Variants in RAB36 observed in about 807,000 individuals in gnomAD.
RAB36 encodes RAB36, member RAS oncogene family.
RAB36 carries 33 observed loss-of-function variants against 39.3 expected under a neutral mutation model. The ratio of observed to expected loss-of-function variants is 0.84; its 90% confidence interval spans 0.64 to 1.12. The LOEUF is 1.12. Among genes scored for constraint, RAB36 ranks in the 50% most tolerant of loss-of-function variants. RAB36 has a pLI of 0.00. For synonymous variants in RAB36, 133 were observed against 140.2 expected (o/e 0.95, Z 0.36); for missense variants, 308 against 355.3 (o/e 0.87, Z 1.07).
At position 23,153,060 on chromosome 22, in the gene RAB36, C is replaced by G. The variant is rs137928000; in HGVS notation, c.255C>G (p.Asp85Glu). ...HRFCKNVFDR[D>E]YKATIGVDFE... Reference sequence around the variant, plus strand: ...TTTGCAAGAATGTTTTTGATCGAGACTACAAGGCCACCATTGGGGTGGACT... The same window carrying G: ...TTTGCAAGAATGTTTTTGATCGAGAGTACAAGGCCACCATTGGGGTGGACT... The change falls in exon 5 of 11, where the codon GAC becomes GAG. Residue 85 changes from aspartate to glutamate, a missense_variant. Asp to Glu is a conservative substitution (Grantham distance 45). Coordinates refer to ENST00000263116, the MANE Select transcript of RAB36 (RefSeq NM_004914.5). 1,072 of 1,614,082 alleles carry G rather than the reference C, an allele frequency of 6.6e-4. 6 individuals are homozygous for G. The highest frequency in any genetic ancestry group is 6.3e-3 in the African/African-American group (471 of 75,034).
In RAB36 at chr22:23,145,680, T is replaced by G. The variant is rs1008899341; in HGVS notation, c.-13+129T>G. The G allele has an allele frequency of 6.9e-6, 8 of 1,159,000 alleles. No homozygotes were observed. In the Admixed American group the frequency reaches 1.9e-4, roughly 27 times the overall value. The allele number at this position is 1,159,000 out of a possible 1,614,324, so 71.8% of individuals were successfully genotyped here. On this transcript the variant is annotated intron_variant, in intron 1 of 10. Coordinates refer to ENST00000263116, the MANE Select transcript of RAB36 (RefSeq NM_004914.5). Reference sequence around the variant, plus strand: ...CCGCCCCTATAACTTGAAAGCGGCCTGCGGCCCCGGGGCGTCCTCATTTCC... The same window carrying G: ...CCGCCCCTATAACTTGAAAGCGGCCGGCGGCCCCGGGGCGTCCTCATTTCC...
At position 23,158,213 on chromosome 22, in the gene RAB36, G is replaced by A. The variant is rs118186237; in HGVS notation, c.446+170G>A. Among the ~76,000 whole-genome samples the A allele has an allele frequency of 5.2e-4, 79 of 152,274 alleles. 1 individual carries two copies. In the East Asian group the frequency reaches 0.012, roughly 23 times the overall value. On this transcript the variant is annotated intron_variant, in intron 7 of 10. Transcript: ENST00000263116. The stretch of plus-strand genomic sequence containing the variant: ...TACTTACTGTCCAACTGCCTTTATC[G>A]CTTGAGATTTGTCCCTATTCTGGAG...
rs2071933464 is a variant in RAB36, at chr22:23,163,606, G to GACCCCCCCC, written c.*2042_*2043insACCCCCCCC. On this transcript the variant is annotated 3_prime_UTR_variant, in exon 11 of 11. Coordinates refer to ENST00000263116, the MANE Select transcript of RAB36 (RefSeq NM_004914.5). ...AAAGCATATAAAATACAAGGTGAAA[G>GACCCCCCCC]CCCCCCCCCCGCCACATTAGCTGCG... 8.0e-6 allele frequency: 1 copy of GACCCCCCCC among 125,232 alleles called. No individual in the cohort carries two copies. The highest frequency in any genetic ancestry group is 1.8e-5 in the Non-Finnish European group (1 of 55,738). The allele number at this position is 125,232 out of a possible 1,614,324, so 7.8% of individuals were successfully genotyped here.
chr22:23,164,127 C>A lies in RAB36; in HGVS notation c.*2563C>A, dbSNP rs1169669085. On this transcript the variant is annotated 3_prime_UTR_variant, in exon 11 of 11. Coordinates refer to ENST00000263116, the MANE Select transcript of RAB36 (RefSeq NM_004914.5). ...ACAGCATTGGGGTCCATTAGGAAGA[C>A]CAGGTTTGCTGGGCATAAGCTTCAC... is the stretch of plus-strand genomic sequence containing the variant. 6.6e-6 allele frequency: 1 copy of A among 152,232 alleles called. No individual in the cohort carries two copies. Among genetic ancestry groups the A allele is most frequent in the Non-Finnish European group, 1.5e-5 (1 of 68,050 alleles). 9.4% of individuals were successfully genotyped at this position (152,232 alleles called of 1,614,324 possible).
chr22:23,157,699 T>C (rs2071534625), intron 6 of RAB36, among the ~76,000 whole-genome samples: 1 of 152,216 alleles, frequency 6.6e-6, no homozygotes, highest in African/African-American at 2.4e-5. Flanking sequence ...CCCTTAGCCG[T>C]AAGTGGCAGA....
chr22:23,160,166 G>A (rs926363943), intron 9 of RAB36, among the ~76,000 whole-genome samples: 1 of 152,172 alleles, frequency 6.6e-6, no homozygotes, highest in African/African-American at 2.4e-5. Flanking sequence ...CTGAGGGTTG[G>A]CGTCACAAGT....
intron 5 of RAB36, among the ~76,000 whole-genome samples, chr22:23,154,149 A>T (rs1254838502): frequency 6.7e-6 from 1 of 148,790 alleles, no homozygotes; most frequent in East Asian, 2.0e-4. Context: ...CTGCCCCGGC[A>T]CCTGGAGAAT....
intron 6 of RAB36, among the ~76,000 whole-genome samples, chr22:23,157,458 A>G (rs1452451276): frequency 6.6e-6 from 1 of 151,958 alleles, no homozygotes; most frequent in Non-Finnish European, 1.5e-5. Flanking sequence ...ACGGGGTTTC[A>G]CTGTGTTAGC....
At chr22:23,153,276 C>T (rs760031445) in intron 5 of RAB36, 142 bp downstream of exon 5, 17 of 685,096 alleles carry the variant, frequency 2.5e-5, no homozygotes, top group Non-Finnish European at 4.0e-5. Context: ...TGACACTTAG[C>T]TTCCTGGCTC....
intron 1 of RAB36, 22 bp downstream of exon 1, chr22:23,145,573 G>C (rs762045062): frequency 1.3e-6 from 2 of 1,589,766 alleles, no homozygotes; most frequent in African/African-American, 1.3e-5. Context: ...CGCCCACTCT[G>C]TCCGACCCTC....
chr22:23,150,304 CTT>C (rs1209181462), intron 3 of RAB36, 150 bp downstream of exon 3: 7,906 of 426,260 alleles, frequency 0.019, no homozygotes, highest in Middle Eastern at 0.027. Flanking sequence ...TTTTTTTTTT[CTT>C]TTTTTTTTTT....
At position 23,156,027 on chromosome 22, in the gene RAB36, C is replaced by T; in HGVS notation, c.389C>T (p.Ala130Val). ...KCIASAYYRG[A>V]QVIITAFDLT... ...ATCGCATCTGCCTACTACCGGGGTG[C>T]CCAGGGTGAGCAACATGCCACGTCG... The change falls in exon 6 of 11, where the codon GCC becomes GTC. Residue 130 changes from alanine (A) to valine (V), a missense_variant. Coordinates refer to ENST00000263116, the MANE Select transcript of RAB36 (RefSeq NM_004914.5). The T allele has an allele frequency of 6.2e-7, 1 of 1,611,840 alleles. No homozygotes were observed. Among genetic ancestry groups the T allele is most frequent in the Non-Finnish European group, 8.5e-7 (1 of 1,178,906 alleles).
chr22:23,158,028 C>T lies in RAB36; in HGVS notation c.431C>T (p.Thr144Ile), dbSNP rs1367080835. 3 of 1,614,066 alleles carry T rather than the reference C, an allele frequency of 1.9e-6. No homozygotes were observed. The African/African-American group carries it at 4.0e-5, about 22-fold the overall frequency. The change falls in exon 7 of 11, where the codon ACC becomes ATC. Residue 144 changes from threonine to isoleucine, a missense_variant. Coordinates refer to ENST00000263116, the MANE Select transcript of RAB36 (RefSeq NM_004914.5). The stretch of plus-strand genomic sequence containing the variant: ...GCCTTTGACCTCACTGACGTGCAGA[C>T]CCTGGAGCATACCAGGTAAGTCTGG... Reference protein sequence around the residue: ...ITAFDLTDVQTLEHTRQWLED... With the variant: ...ITAFDLTDVQILEHTRQWLED...
At chr22:23,166,526 A>G (rs759334809), downstream of RAB36, among the ~76,000 whole-genome samples, 2 of 152,084 alleles carry the variant, frequency 1.3e-5, no homozygotes, top group Non-Finnish European at 2.9e-5. Flanking sequence ...GTGCTTCCTC[A>G]AGAAAGCCTG....
intron 3 of RAB36, among the ~76,000 whole-genome samples, chr22:23,151,199 A>G (rs1352189062): frequency 6.6e-6 from 1 of 152,214 alleles, no homozygotes; most frequent in Non-Finnish European, 1.5e-5. Flanking sequence ...CGAAGTGGCC[A>G]TGGTGGTGGG....
Position 23,161,919 on chromosome 22 carries a change from C to T in RAB36, c.*355C>T, listed in dbSNP as rs2071830543. 3.9e-6 allele frequency: 1 copy of T among 255,960 alleles called. No individual in the cohort carries two copies. Among genetic ancestry groups the T allele is most frequent in the African/African-American group, 2.3e-5 (1 of 43,924 alleles). The allele number at this position is 255,960 out of a possible 1,614,324, so 15.9% of individuals were successfully genotyped here. ...CAAACTCCTGCGTCGGTCTATACTA[C>T]TCGGCCATGGCCCACATCAGCAGTC... On this transcript the variant is annotated 3_prime_UTR_variant, in exon 11 of 11. Transcript: ENST00000263116.
chr22:23,157,236 T>C (rs1275968346), intron 6 of RAB36, among the ~76,000 whole-genome samples: 1 of 146,264 alleles, frequency 6.8e-6, no homozygotes, highest in Non-Finnish European at 1.5e-5. Flanking sequence ...GAAATGAAAG[T>C]TGGCCCTGGA....
chr22:23,157,505 C>T lies in RAB36; in HGVS notation c.395-487C>T, dbSNP rs957170781. ...TGATCTCCTGACTTAGTGATCCACC[C>T]GCCTCAGCCTCCCAAAGTGCTGGAA... On this transcript the variant is annotated intron_variant, in intron 6 of 10. Coordinates refer to ENST00000263116, the MANE Select transcript of RAB36 (RefSeq NM_004914.5). 3.3e-5 allele frequency among the ~76,000 whole-genome samples: 5 copies of T among 152,176 alleles called. No individual in the cohort carries two copies. In the South Asian group the frequency reaches 6.2e-4, roughly 19 times the overall value.
chr22:23,164,693 A>T lies in RAB36; in HGVS notation c.*3129A>T, dbSNP rs1408510171. ...GGCAATGACCACAGTGACCGCGTCC[A>T]AGTGCTGCCGAAACGCCTTTTTCCT... On this transcript the variant is annotated 3_prime_UTR_variant, in exon 11 of 11. Coordinates refer to ENST00000263116, the MANE Select transcript of RAB36 (RefSeq NM_004914.5). Among the ~76,000 whole-genome samples the T allele has an allele frequency of 1.3e-5, 2 of 152,094 alleles. No individual in the cohort carries two copies. The highest frequency in any genetic ancestry group is 3.9e-4 in the East Asian group (2 of 5,174).
Sources: allele counts gnomAD v4.1 joint callset (sites outside exome capture counted in the v4.1 genomes callset), GRCh38; gene constraint gnomAD v4.1.1; transcripts MANE v1.5; gene names NCBI Gene and HGNC (gene_info 2026-07-23, HGNC 2026-07-21).